The following PLCB1 variants were observed in gnomAD, a reference collection of about 807,000 sequenced individuals.
PLCB1 encodes 1-phosphatidylinositol 4,5-bisphosphate phosphodiesterase beta-1.
Under a neutral mutation model 161.8 loss-of-function variants are expected in PLCB1, and 46 were observed. The observed-to-expected ratio is 0.28, with a 90% CI of 0.22 to 0.36. The LOEUF is 0.36. PLCB1 is among the 10% of genes least tolerant of loss of function. PLCB1 has a pLI of 1.00. For synonymous variants in PLCB1, 517 were observed against 503.7 expected, an observed-to-expected ratio of 1.03 and a Z score of -0.35; for missense variants, 1,016 against 1,472.5, an observed-to-expected ratio of 0.69 and a Z score of 5.07.
chr20:8,416,900 G>C (rs1380372459), intron 3 of PLCB1, among the ~76,000 whole-genome samples: 1 of 147,454 alleles, frequency 6.8e-6, no homozygotes, highest in Non-Finnish European at 1.5e-5. Flanking sequence ...GTCCTTGATG[G>C]TGTCTCTTTT....
At chr20:8,765,748 C>T (rs1982281268) in intron 26 of PLCB1, among the ~76,000 whole-genome samples, 1 of 151,944 alleles carries the variant, frequency 6.6e-6, no homozygotes. Flanking sequence ...AGTGCAGTGA[C>T]ATCATCTCGG....
chr20:8,819,806 A>C (rs544682637), intron 31 of PLCB1, among the ~76,000 whole-genome samples: 19 of 152,268 alleles, frequency 1.2e-4, no homozygotes, highest in South Asian at 8.3e-4. Context: ...ATCCTTGAAA[A>C]TTACTTAATA....
chr20:8,274,632 C>T (rs1982440392), intron 2 of PLCB1, among the ~76,000 whole-genome samples: 1 of 152,030 alleles, frequency 6.6e-6, no homozygotes, highest in Non-Finnish European at 1.5e-5. Flanking sequence ...ATTCATCTTG[C>T]TTCTTCTCTA....
rs2051301065 is a variant in PLCB1, at chr20:8,132,501, G to A, written c.-151G>A. ...GCTGAGCGGCGCCGGAGGGAGGTGCGGAGGCCGGGAGGCCGGGGAGGCCGG... is the reference window on the plus strand; with the variant it reads ...GCTGAGCGGCGCCGGAGGGAGGTGCAGAGGCCGGGAGGCCGGGGAGGCCGG... On this transcript the variant is annotated 5_prime_UTR_variant, in exon 1 of 32. Coordinates refer to ENST00000338037, the MANE Select transcript of PLCB1 (RefSeq NM_015192.4). This position sits in a 1 kb window ranked among gnomAD's most constrained non-coding sequence, Gnocchi z 5.2. The A allele has an allele frequency of 5.1e-6, 2 of 395,086 alleles. No homozygotes were observed. The highest frequency in any genetic ancestry group is 8.9e-6 in the Non-Finnish European group (2 of 224,374). The allele number at this position is 395,086 out of a possible 1,614,324, so 24.5% of individuals were successfully genotyped here. A position where few individuals can be genotyped will look rare whatever the true frequency, so the allele number is the denominator to read the frequency against.
intron 31 of PLCB1, among the ~76,000 whole-genome samples, chr20:8,875,521 AT>A (rs1987750503): frequency 6.8e-6 from 1 of 147,722 alleles, no homozygotes; most frequent in South Asian, 2.1e-4. Context: ...TTATATATAA[AT>A]ATAATATATT....
At chr20:8,411,892 G>A (rs1197892538) in intron 3 of PLCB1, among the ~76,000 whole-genome samples, 6 of 152,018 alleles carry the variant, frequency 3.9e-5, no homozygotes, top group Admixed American at 1.3e-4. Flanking sequence ...GTGTGGTGGC[G>A]CATGCCTGTA....
At chr20:8,791,600 CA>C (rs1026191191) in intron 31 of PLCB1, among the ~76,000 whole-genome samples, 1 of 150,506 alleles carries the variant, frequency 6.6e-6, no homozygotes, top group African/African-American at 2.4e-5. Flanking sequence ...TTTTGTATTT[CA>C]AAAAAATTTA....
intron 2 of PLCB1, among the ~76,000 whole-genome samples, chr20:8,273,072 CAAT>C (rs1982362865): frequency 1.3e-5 from 2 of 152,028 alleles, no homozygotes; most frequent in Non-Finnish European, 2.9e-5. Flanking sequence ...CAGACTGATG[CAAT>C]AATAAGTTTA....
At chr20:8,767,875 A>G (rs1600310479) in intron 26 of PLCB1, among the ~76,000 whole-genome samples, 1 of 152,290 alleles carries the variant, frequency 6.6e-6, no homozygotes, top group East Asian at 1.9e-4. Context: ...ACAGTTTTGG[A>G]GGCTAGGAAT....
intron 2 of PLCB1, among the ~76,000 whole-genome samples, chr20:8,295,993 C>G (rs997922366): frequency 6.6e-6 from 1 of 152,058 alleles, no homozygotes; most frequent in South Asian, 2.1e-4. Flanking sequence ...TTATTTTTAA[C>G]AGGAGAAAGA....
chr20:8,381,271 C>T (rs1285280331), intron 3 of PLCB1, among the ~76,000 whole-genome samples: 1 of 152,190 alleles, frequency 6.6e-6, no homozygotes, highest in Non-Finnish European at 1.5e-5. Flanking sequence ...TTGAACCAGC[C>T]TTGCATACCA....
intron 2 of PLCB1, among the ~76,000 whole-genome samples, chr20:8,219,954 A>T (rs1159977694): frequency 6.6e-6 from 1 of 152,156 alleles, no homozygotes; most frequent in African/African-American, 2.4e-5. Flanking sequence ...GTGGGGAGTC[A>T]AATTTGAATA....
At chr20:8,281,113 A>C (rs1000452954) in intron 2 of PLCB1, among the ~76,000 whole-genome samples, 2 of 152,238 alleles carry the variant, frequency 1.3e-5, no homozygotes, top group Admixed American at 1.3e-4. Flanking sequence ...ATGGCATTGC[A>C]AATTAAATAA....
intron 3 of PLCB1, among the ~76,000 whole-genome samples, chr20:8,523,398 ATGTGTGTGTGTGTG>A (rs34787623): frequency 8.2e-6 from 1 of 122,524 alleles, no homozygotes. Flanking sequence ...CATAACAAAT[ATGTGTGTGTGTGTG>A]TGTGTGTGTG....
chr20:8,640,729 C>A (rs1988925604), intron 4 of PLCB1, among the ~76,000 whole-genome samples: 1 of 152,128 alleles, frequency 6.6e-6, no homozygotes, highest in African/African-American at 2.4e-5. Flanking sequence ...GAGGAGGTCT[C>A]CCCAGTGGAT....
intron 2 of PLCB1, among the ~76,000 whole-genome samples, chr20:8,197,174 G>T (rs1052412166): frequency 6.6e-6 from 1 of 152,064 alleles, no homozygotes; most frequent in Non-Finnish European, 1.5e-5. Context: ...ATTCCTTTGG[G>T]TATATACCCA....
At chr20:8,600,546 T>A (rs1357320392) in intron 3 of PLCB1, among the ~76,000 whole-genome samples, 211 of 150,594 alleles carry the variant, frequency 1.4e-3, no homozygotes, top group East Asian at 3.4e-3. Flanking sequence ...GTTACTGCTG[T>A]CTTTTTGTTT....
chr20:8,599,822 C>G (rs1987479667), intron 3 of PLCB1, among the ~76,000 whole-genome samples: 1 of 140,778 alleles, frequency 7.1e-6, no homozygotes, highest in Non-Finnish European at 1.5e-5. Context: ...TTTCTCTAAA[C>G]TTCCCTTCTC....
At chr20:8,634,660 C>T (rs1988705353) in intron 4 of PLCB1, among the ~76,000 whole-genome samples, 1 of 152,208 alleles carries the variant, frequency 6.6e-6, no homozygotes, top group South Asian at 2.1e-4. Flanking sequence ...AAACAACAAA[C>T]TCATTCCTGA....
Sources: allele counts gnomAD v4.1 joint callset (sites outside exome capture counted in the v4.1 genomes callset), GRCh38; gene constraint gnomAD v4.1.1; non-coding constraint Gnocchi (gnomAD v3.1); transcripts MANE v1.5; gene names NCBI Gene and HGNC (gene_info 2026-07-23, HGNC 2026-07-21).